DENND1A: variants seen among roughly 807,000 people sequenced by gnomAD.
DENND1A encodes DENN domain-containing protein 1A.
A neutral mutation model predicts 113.7 loss-of-function variants in DENND1A; 51 were observed. The observed-to-expected ratio is 0.45, with a 90% CI of 0.36 to 0.57. The LOEUF (loss-of-function observed/expected upper bound fraction) is 0.57. Among genes scored for constraint, DENND1A ranks in the 20% least tolerant of loss-of-function variants. DENND1A has a pLI of 0.00. For synonymous variants in DENND1A, 565 were observed against 570.8 expected, an observed-to-expected ratio of 0.99 and a Z score of 0.14; for missense variants, 1,258 against 1,395.9, an observed-to-expected ratio of 0.90 and a Z score of 1.57.
chr9:123,755,123 T>C (rs1037076723), intron 5 of DENND1A, among the ~76,000 whole-genome samples: 3 of 81,376 alleles, frequency 3.7e-5, no homozygotes, highest in African/African-American at 2.3e-4. Context: ...ATACACAGAT[T>C]TTTTTTTTTT....
At chr9:123,415,343 G>A (rs1327303402) in intron 19 of DENND1A, among the ~76,000 whole-genome samples, 13 of 152,182 alleles carry the variant, frequency 8.5e-5, no homozygotes, top group Admixed American at 8.5e-4. Context: ...TGATGCTGGA[G>A]CATATGATGG....
At chr9:123,757,954 A>T in intron 4 of DENND1A, 132 bp from the exon 5 acceptor site, 1 of 1,091,712 alleles carries the variant, frequency 9.2e-7, no homozygotes. Flanking sequence ...ACACATTTCA[A>T]GGGAACAGAC....
intron 13 of DENND1A, among the ~76,000 whole-genome samples, chr9:123,469,480 C>T (rs959811137): frequency 2.0e-5 from 3 of 152,250 alleles, no homozygotes; most frequent in Non-Finnish European, 4.4e-5. Context: ...CGGCCCACGC[C>T]TCGGCTCCTC....
chr9:123,490,956 C>T (rs1301100914), intron 13 of DENND1A, among the ~76,000 whole-genome samples: 1 of 152,192 alleles, frequency 6.6e-6, no homozygotes, highest in African/African-American at 2.4e-5. Flanking sequence ...GCACTGTGTT[C>T]TCAACAGAAC....
intron 5 of DENND1A, among the ~76,000 whole-genome samples, chr9:123,725,580 C>A (rs192039573): frequency 6.6e-6 from 1 of 152,320 alleles, no homozygotes; most frequent in Admixed American, 6.5e-5. Context: ...CGCAGTTAAC[C>A]ACGAGCAGAA....
chr9:123,728,986 C>T (rs902502544), intron 5 of DENND1A, among the ~76,000 whole-genome samples: 1 of 152,156 alleles, frequency 6.6e-6, no homozygotes, highest in African/African-American at 2.4e-5. Context: ...AAACGTAATC[C>T]ATCACATAAA....
At chr9:123,829,077 C>T (rs753223805) in intron 2 of DENND1A, among the ~76,000 whole-genome samples, 2 of 152,142 alleles carry the variant, frequency 1.3e-5, no homozygotes, top group Non-Finnish European at 2.9e-5. Context: ...CAAGAGATAG[C>T]TCAGTGAAGT....
chr9:123,848,837 T>A (rs1031132391), intron 2 of DENND1A, among the ~76,000 whole-genome samples: 4 of 152,186 alleles, frequency 2.6e-5, no homozygotes, highest in Admixed American at 6.5e-5. Context: ...AAAGTTTTAG[T>A]GGTCTGGACA....
intron 6 of DENND1A, among the ~76,000 whole-genome samples, chr9:123,673,658 T>C (rs953218337): frequency 6.6e-6 from 1 of 152,184 alleles, no homozygotes; most frequent in African/African-American, 2.4e-5. Context: ...CCAGGGAATA[T>C]ATAACACACA....
chr9:123,401,967 C>G (rs2043507100), intron 21 of DENND1A: 1 of 1,612,544 alleles, frequency 6.2e-7, no homozygotes, highest in African/African-American at 1.3e-5. Flanking sequence ...AGGCCTGTGA[C>G]CCTGTATCCT....
At chr9:123,407,212 GGAGA>G (rs1374340660) in intron 20 of DENND1A, among the ~76,000 whole-genome samples, 12 of 151,926 alleles carry the variant, frequency 7.9e-5, no homozygotes, top group Admixed American at 3.9e-4. Flanking sequence ...GGCTGGGGAG[GGAGA>G]GAAAGACACG....
chr9:123,785,598 G>A (rs1198487452), intron 3 of DENND1A, among the ~76,000 whole-genome samples: 4 of 152,076 alleles, frequency 2.6e-5, no homozygotes, highest in Non-Finnish European at 5.9e-5. Context: ...TATTTAAGCT[G>A]GGATGTATTT....
intron 19 of DENND1A, among the ~76,000 whole-genome samples, chr9:123,419,633 C>T (rs1223983108): frequency 6.6e-6 from 1 of 152,234 alleles, no homozygotes; most frequent in East Asian, 1.9e-4. Context: ...GGCCTCTGCG[C>T]CGAGAGCAAG....
chr9:123,912,888 G>C (rs1235911044), intron 1 of DENND1A, among the ~76,000 whole-genome samples: 1 of 152,010 alleles, frequency 6.6e-6, no homozygotes, highest in Non-Finnish European at 1.5e-5. Flanking sequence ...GTCCCCAGTG[G>C]GAGCAAGAAT....
chr9:123,639,880 T>C (rs2061936542), intron 9 of DENND1A, among the ~76,000 whole-genome samples: 1 of 152,048 alleles, frequency 6.6e-6, no homozygotes, highest in Non-Finnish European at 1.5e-5. Context: ...TTCACATATA[T>C]TTAACTCACT....
intron 5 of DENND1A, among the ~76,000 whole-genome samples, chr9:123,728,503 A>AAC (rs2067906336): frequency 6.8e-6 from 1 of 147,874 alleles, no homozygotes; most frequent in Non-Finnish European, 1.5e-5. Flanking sequence ...AAAAAAAAAA[A>AAC]AAAAAAACAG....
chr9:123,858,606 G>A (rs1428665975), intron 2 of DENND1A, among the ~76,000 whole-genome samples: 1 of 152,100 alleles, frequency 6.6e-6, no homozygotes, highest in Non-Finnish European at 1.5e-5. Context: ...GGTTGGTCGA[G>A]GGGAGGAGGT....
intron 19 of DENND1A, among the ~76,000 whole-genome samples, chr9:123,419,499 G>A (rs1045275682): frequency 1.3e-5 from 2 of 152,240 alleles, no homozygotes; most frequent in Non-Finnish European, 2.9e-5. Flanking sequence ...CTCTGTCGCT[G>A]TTTAATGAGG....
intron 11 of DENND1A, among the ~76,000 whole-genome samples, chr9:123,591,434 G>A (rs551994750): frequency 2.0e-4 from 31 of 152,224 alleles, no homozygotes; most frequent in African/African-American, 7.5e-4. Context: ...GCCGGGTTGG[G>A]AGCGTGGGGC....
Sources: allele counts gnomAD v4.1 joint callset (sites outside exome capture counted in the v4.1 genomes callset), GRCh38; gene constraint gnomAD v4.1.1; transcripts MANE v1.5; gene names NCBI Gene and HGNC (gene_info 2026-07-23, HGNC 2026-07-21).